TRHDE: variants seen among roughly 807,000 people sequenced by gnomAD.
TRHDE encodes thyrotropin-releasing hormone-degrading ectoenzyme.
TRHDE carries 72 observed loss-of-function variants against 125.7 expected under a neutral mutation model. That is an observed-to-expected ratio of 0.57 (90% confidence interval 0.47 to 0.70). The LOEUF (loss-of-function observed/expected upper bound fraction) is 0.70, where lower values mean the gene tolerates loss of function less well. Ranked by LOEUF, TRHDE falls within the 30% of genes least tolerant of loss-of-function variation. TRHDE has a pLI of 0.00. For synonymous variants in TRHDE, 509 were observed against 509.1 expected, an observed-to-expected ratio of 1.00 and a Z score of 0.00; for missense variants, 1,110 against 1,327.1, an observed-to-expected ratio of 0.84 and a Z score of 2.54.
At chr12:72,238,312 A>ACACAT (rs1231532429) in intron 2 of TRHDE, among the ~76,000 whole-genome samples, 29 of 34,980 alleles carry the variant, frequency 8.3e-4, no homozygotes, top group East Asian at 6.2e-3. Flanking sequence ...ATATATATAT[A>ACACAT]TATATATATA....
intron 7 of TRHDE, among the ~76,000 whole-genome samples, chr12:72,550,611 G>A (rs911911012): frequency 1.3e-5 from 2 of 151,936 alleles, no homozygotes; most frequent in South Asian, 4.1e-4. Context: ...GTAATATGAC[G>A]TAGGGGTACC....
At position 72,669,857 on chromosome 12, in the gene TRHDE, C is replaced by T. The variant is rs1875207127; in HGVS notation, c.*6662C>T. 1 of 151,492 alleles carries T rather than the reference C, an allele frequency of 6.6e-6. No individual in the cohort carries two copies. Among genetic ancestry groups the T allele is most frequent in the African/African-American group, 2.4e-5 (1 of 41,318 alleles). 9.4% of individuals were successfully genotyped at this position (151,492 alleles called of 1,614,324 possible). On this transcript the variant is annotated 3_prime_UTR_variant, in exon 19 of 19. Transcript: ENST00000261180. ...ACATATAAAGATATTTTTCATTTTT[C>T]ATTTTTCATTGCTATCTTTTAATCC... is the stretch of plus-strand genomic sequence containing the variant.
At chr12:72,360,711 T>G (rs11179171) in intron 2 of TRHDE, among the ~76,000 whole-genome samples, 8,845 of 151,732 alleles carry the variant, frequency 0.058, 500 homozygotes, top group African/African-American at 0.13. Context: ...TGAAAATATA[T>G]TGTACAGTTG....
At chr12:72,457,306 A>G (rs1481010528) in intron 3 of TRHDE, among the ~76,000 whole-genome samples, 3 of 152,130 alleles carry the variant, frequency 2.0e-5, no homozygotes, top group African/African-American at 7.2e-5. Context: ...ACACTATGTC[A>G]TCATATTTTC....
At chr12:72,119,278 A>T (rs1875521187) in intron 2 of TRHDE, among the ~76,000 whole-genome samples, 1 of 152,112 alleles carries the variant, frequency 6.6e-6, no homozygotes. Context: ...CAATTTCCTT[A>T]ATTTCTTCAT....
chr12:72,110,394 C>G (rs767151453), intron 2 of TRHDE, among the ~76,000 whole-genome samples: 12 of 152,072 alleles, frequency 7.9e-5, no homozygotes, highest in South Asian at 6.2e-4. Context: ...TGGATTGAAC[C>G]TGCTCAGGTC....
intron 3 of TRHDE, among the ~76,000 whole-genome samples, chr12:72,454,296 T>A (rs1231699826): frequency 6.6e-6 from 1 of 152,194 alleles, no homozygotes; most frequent in Admixed American, 6.5e-5. Flanking sequence ...AAATGTTAAC[T>A]CCAATCTAAT....
intron 3 of TRHDE, among the ~76,000 whole-genome samples, chr12:72,408,856 A>C (rs1284505599): frequency 6.6e-6 from 1 of 152,138 alleles, no homozygotes; most frequent in Non-Finnish European, 1.5e-5. Flanking sequence ...AAAATATATA[A>C]AAGAGACAAT....
intron 12 of TRHDE, chr12:72,610,871 G>A (rs1872609215): frequency 6.6e-6 from 1 of 152,386 alleles, no homozygotes; most frequent in South Asian, 2.1e-4. Flanking sequence ...ACTGGCATTG[G>A]AGCATGCCCA....
At chr12:72,594,455 T>A (rs1000289903) in intron 12 of TRHDE, among the ~76,000 whole-genome samples, 5 of 151,204 alleles carry the variant, frequency 3.3e-5, no homozygotes, top group African/African-American at 1.2e-4. Context: ...CGGCCTCAGG[T>A]CATCCACCCG....
intron 3 of TRHDE, among the ~76,000 whole-genome samples, chr12:72,393,054 A>C (rs542177351): frequency 6.6e-6 from 1 of 152,122 alleles, no homozygotes; most frequent in African/African-American, 2.4e-5. Flanking sequence ...TTGAATGCTA[A>C]TGTTTCATAT....
At chr12:72,594,623 A>G (rs1871847738) in intron 12 of TRHDE, among the ~76,000 whole-genome samples, 1 of 151,940 alleles carries the variant, frequency 6.6e-6, no homozygotes, top group Admixed American at 6.6e-5. Context: ...TTTAAAATTA[A>G]AAGTATTTTC....
At chr12:72,132,219 T>G in intron 2 of TRHDE, among the ~76,000 whole-genome samples, 1 of 152,176 alleles carries the variant, frequency 6.6e-6, no homozygotes, top group South Asian at 2.1e-4. Flanking sequence ...CTGGTTTGCC[T>G]GCTGGAGACT....
At chr12:72,452,527 G>A (rs973129994) in intron 3 of TRHDE, among the ~76,000 whole-genome samples, 4 of 152,144 alleles carry the variant, frequency 2.6e-5, no homozygotes, top group Non-Finnish European at 4.4e-5. Context: ...GGATTTCAGA[G>A]GAAAGGCTTT....
intron 2 of TRHDE, among the ~76,000 whole-genome samples, chr12:72,145,842 T>C (rs572129049): frequency 6.6e-6 from 1 of 152,314 alleles, no homozygotes; most frequent in African/African-American, 2.4e-5. Flanking sequence ...GTGCATGTAG[T>C]GCCCAAATAT....
At chr12:72,168,562 A>G (rs1444354309) in intron 2 of TRHDE, among the ~76,000 whole-genome samples, 3 of 152,220 alleles carry the variant, frequency 2.0e-5, no homozygotes, top group African/African-American at 7.2e-5. Flanking sequence ...GTTCAGATTC[A>G]ATCCTGCTCC....
At chr12:72,372,201 T>C (rs1422650763) in intron 2 of TRHDE, among the ~76,000 whole-genome samples, 1 of 152,214 alleles carries the variant, frequency 6.6e-6, no homozygotes, top group Non-Finnish European at 1.5e-5. Flanking sequence ...TTTTGAGAAG[T>C]GTCTGTTCCT....
chr12:72,627,447 A>G (rs2136083644), intron 15 of TRHDE, among the ~76,000 whole-genome samples: 1 of 151,956 alleles, frequency 6.6e-6, no homozygotes, highest in South Asian at 2.1e-4. Context: ...AAACTTAGAG[A>G]TTGGTCATAA....
chr12:72,117,369 T>G (rs919436953), intron 2 of TRHDE, among the ~76,000 whole-genome samples: 2 of 152,064 alleles, frequency 1.3e-5, no homozygotes, highest in Non-Finnish European at 2.9e-5. Flanking sequence ...GCACCTTTGT[T>G]GAAAATGAGT....
Sources: gnomAD v4.1 joint callset for allele counts (sites outside exome capture counted in the v4.1 genomes callset) on GRCh38, gnomAD v4.1.1 for gene constraint, MANE v1.5 for transcripts, NCBI Gene and HGNC (gene_info 2026-07-23, HGNC 2026-07-21) for gene names.